Variants in TMTC2 observed in about 807,000 individuals in gnomAD.
The protein encoded by TMTC2 is protein O-mannosyl-transferase TMTC2.
TMTC2 carries 43 observed loss-of-function variants against 82.4 expected under a neutral mutation model. The ratio of observed to expected loss-of-function variants is 0.52; its 90% confidence interval spans 0.41 to 0.67. The LOEUF is 0.67. TMTC2 is among the 30% of genes least tolerant of loss of function. The pLI, the probability that TMTC2 is intolerant of heterozygous loss-of-function variation, is 0.00. For missense variants in TMTC2, 919 were observed against 1,012.4 expected (o/e 0.91, Z 1.25); for synonymous variants, 408 against 381.9 (o/e 1.07, Z -0.80).
At chr12:82,839,921 T>C (rs1870244258) in intron 1 of TMTC2, among the ~76,000 whole-genome samples, 1 of 152,208 alleles carries the variant, frequency 6.6e-6, no homozygotes, top group Admixed American at 6.5e-5. Flanking sequence ...GCTCTTAGAT[T>C]GGCTATTGGG....
intron 1 of TMTC2, among the ~76,000 whole-genome samples, chr12:82,763,833 G>A (rs1876792273): frequency 6.6e-6 from 1 of 152,130 alleles, no homozygotes; most frequent in Non-Finnish European, 1.5e-5. Context: ...AAATACTCTT[G>A]TCATGGAAAA....
chr12:83,090,262 A>T (rs1883798970), intron 11 of TMTC2, among the ~76,000 whole-genome samples: 2 of 152,210 alleles, frequency 1.3e-5, no homozygotes, highest in African/African-American at 4.8e-5. Flanking sequence ...AGTGAAGGAG[A>T]AAAGAAAGAA....
chr12:82,824,714 G>C (rs1869309745), intron 1 of TMTC2, among the ~76,000 whole-genome samples: 1 of 152,192 alleles, frequency 6.6e-6, no homozygotes, highest in Non-Finnish European at 1.5e-5. Context: ...ATGGAAATTA[G>C]TATTTGAATT....
At chr12:83,076,121 T>C (rs1883277035) in intron 11 of TMTC2, among the ~76,000 whole-genome samples, 1 of 152,326 alleles carries the variant, frequency 6.6e-6, no homozygotes, top group East Asian at 1.9e-4. Context: ...CTAAACTGAA[T>C]TTACAGTTTT....
chr12:82,903,249 T>G (rs940234111), intron 3 of TMTC2, among the ~76,000 whole-genome samples: 1 of 152,220 alleles, frequency 6.6e-6, no homozygotes, highest in African/African-American at 2.4e-5. Flanking sequence ...TCTGTCTTAC[T>G]GAGCATTCCC....
At chr12:83,090,973 A>G (rs562122570) in intron 11 of TMTC2, among the ~76,000 whole-genome samples, 2 of 152,264 alleles carry the variant, frequency 1.3e-5, no homozygotes, top group African/African-American at 4.8e-5. Flanking sequence ...ATTACCACTT[A>G]CATAATTTTA....
chr12:82,987,166 A>G (rs1384283537), intron 8 of TMTC2, among the ~76,000 whole-genome samples: 1 of 152,084 alleles, frequency 6.6e-6, no homozygotes, highest in Non-Finnish European at 1.5e-5. Flanking sequence ...CTCTTCAAGA[A>G]ATCATGTAAC....
chr12:82,997,208 T>TCCCCCTCTCC, intron 8 of TMTC2, among the ~76,000 whole-genome samples: 1 of 120,648 alleles, frequency 8.3e-6, no homozygotes, highest in East Asian at 2.5e-4. Context: ...CCCCTCTCCC[T>TCCCCCTCTCC]CTCTCTCTCT....
chr12:82,862,637 T>C (rs1168405255), intron 2 of TMTC2, among the ~76,000 whole-genome samples: 1 of 152,210 alleles, frequency 6.6e-6, no homozygotes, highest in East Asian at 1.9e-4. Context: ...ATAAATAATA[T>C]TGTTATATGG....
At chr12:82,815,847 A>G (rs2137055599) in intron 1 of TMTC2, among the ~76,000 whole-genome samples, 1 of 152,186 alleles carries the variant, frequency 6.6e-6, no homozygotes, top group East Asian at 1.9e-4. Context: ...GGCTTCATTA[A>G]CTTGTATTAC....
At position 82,687,508 on chromosome 12, in the gene TMTC2, T is replaced by G. The variant is rs1592848406; in HGVS notation, c.-79T>G. 23 of 1,360,722 alleles carry G rather than the reference T, an allele frequency of 1.7e-5. No homozygotes were observed. The highest frequency in any genetic ancestry group is 2.2e-5 in the Non-Finnish European group (21 of 975,700). The allele number at this position is 1,360,722 out of a possible 1,614,324, so 84.3% of individuals were successfully genotyped here. A position where few individuals can be genotyped will look rare whatever the true frequency, so the allele number is the denominator to read the frequency against. ...GCTGGGAGGAGAAGGCGGCGGAAGG[T>G]GGAGATTGATGCTTCTGTTTTTTGT... On this transcript the variant is annotated 5_prime_UTR_variant, in exon 1 of 12. Transcript: ENST00000321196.
At chr12:82,697,471 A>AT (rs1171885418) in intron 1 of TMTC2, among the ~76,000 whole-genome samples, 1 of 152,158 alleles carries the variant, frequency 6.6e-6, no homozygotes, top group East Asian at 1.9e-4. Flanking sequence ...TGTATTACAG[A>AT]TAAGCTATCT....
At chr12:82,946,533 C>G (rs574266284) in intron 4 of TMTC2, among the ~76,000 whole-genome samples, 5 of 152,246 alleles carry the variant, frequency 3.3e-5, no homozygotes, top group African/African-American at 9.6e-5. Context: ...TCATTTTGCA[C>G]TTAGCGACCC....
chr12:82,743,158 T>TG (rs1875506013), intron 1 of TMTC2, among the ~76,000 whole-genome samples: 2 of 152,152 alleles, frequency 1.3e-5, no homozygotes, highest in South Asian at 4.1e-4. Flanking sequence ...AAAAAGCAGA[T>TG]GTAGCTGGGC....
At chr12:82,959,200 T>G (rs1179102366) in intron 4 of TMTC2, among the ~76,000 whole-genome samples, 1 of 152,132 alleles carries the variant, frequency 6.6e-6, no homozygotes, top group Admixed American at 6.6e-5. Context: ...TGGAAAAACA[T>G]TCCATGCTTA....
chr12:82,988,590 G>A (rs1037477834), intron 8 of TMTC2, among the ~76,000 whole-genome samples: 112 of 151,916 alleles, frequency 7.4e-4, no homozygotes, highest in African/African-American at 2.6e-3. Context: ...GGAGGGGAGT[G>A]AAAAGAGGAC....
chr12:82,812,355 A>C (rs1868446924), intron 1 of TMTC2, among the ~76,000 whole-genome samples: 2 of 152,102 alleles, frequency 1.3e-5, no homozygotes, highest in Admixed American at 1.3e-4. Flanking sequence ...ATTAAAAAAA[A>C]GAATCCCATA....
At chr12:83,095,230 GTT>G (rs372668283) in intron 11 of TMTC2, among the ~76,000 whole-genome samples, 16 of 126,310 alleles carry the variant, frequency 1.3e-4, no homozygotes, top group Non-Finnish European at 2.5e-4. Flanking sequence ...TTTTTTTTTT[GTT>G]TTTTTTTTTG....
At chr12:82,729,864 G>A (rs1433212918) in intron 1 of TMTC2, among the ~76,000 whole-genome samples, 5 of 152,216 alleles carry the variant, frequency 3.3e-5, no homozygotes, top group Admixed American at 6.5e-5. Flanking sequence ...CACTCATGGC[G>A]AAGGTCTGCA....
Sources: allele counts gnomAD v4.1 joint callset (sites outside exome capture counted in the v4.1 genomes callset), GRCh38; gene constraint gnomAD v4.1.1; transcripts MANE v1.5; gene names NCBI Gene and HGNC (gene_info 2026-07-23, HGNC 2026-07-21).